DGKB: variants seen among roughly 807,000 people sequenced by gnomAD.
DGKB encodes the protein diacylglycerol kinase beta.
In DGKB, 67 loss-of-function variants were observed where a neutral mutation model predicts 114.3. That is an observed-to-expected ratio of 0.59 (90% CI 0.48 to 0.72). The LOEUF is 0.72. Ranked by LOEUF, DGKB falls within the 30% of genes least tolerant of loss-of-function variation. DGKB has a pLI of 0.00. For synonymous variants in DGKB, 398 were observed against 323.1 expected (o/e 1.23, Z -2.49); for missense variants, 907 against 975.2 (o/e 0.93, Z 0.93).
At position 14,146,167 on chromosome 7, in the gene DGKB, A is replaced by G. The variant is rs1781455176; in HGVS notation, c.*2964T>C. ...AAATTGATCAGCATTTTCACATGAA[A>G]TACATGGTGTACACAAGGAAGTGGA... On this transcript the variant is annotated 3_prime_UTR_variant, in exon 26 of 26. Transcript: ENST00000402815. The G allele has an allele frequency of 6.6e-6, 1 of 152,250 alleles. No individual in the cohort carries two copies. The highest frequency in any genetic ancestry group is 1.5e-5 in the Non-Finnish European group (1 of 68,048). 9.4% of individuals were successfully genotyped at this position (152,250 alleles called of 1,614,324 possible).
intron 23 of DGKB, among the ~76,000 whole-genome samples, chr7:14,193,715 A>G (rs2128278056): frequency 6.6e-6 from 1 of 152,298 alleles, no homozygotes; most frequent in East Asian, 1.9e-4. Flanking sequence ...TTGAACTAAA[A>G]AGCTTTTGAA....
At chr7:14,613,445 A>G in intron 15 of DGKB, 32 bp from the exon 16 acceptor site, 1 of 1,151,310 alleles carries the variant, frequency 8.7e-7, no homozygotes, top group Non-Finnish European at 1.3e-6. Context: ...TGGAAAAATT[A>G]TTAGGCCCAT....
intron 13 of DGKB, among the ~76,000 whole-genome samples, 165 bp from the exon 14 acceptor site, chr7:14,630,433 C>A (rs1326407670): frequency 6.6e-6 from 1 of 152,110 alleles, no homozygotes; most frequent in East Asian, 1.9e-4. Context: ...AATTAAATAT[C>A]TTTTCATTGA....
At chr7:14,519,850 C>A (rs1320844638) in intron 20 of DGKB, among the ~76,000 whole-genome samples, 10 of 151,814 alleles carry the variant, frequency 6.6e-5, no homozygotes, top group East Asian at 1.9e-4. Context: ...TATAAAAAAT[C>A]TTTTGTGAAA....
At chr7:14,288,861 A>G (rs1562848491) in intron 23 of DGKB, among the ~76,000 whole-genome samples, 3 of 152,186 alleles carry the variant, frequency 2.0e-5, no homozygotes, top group Non-Finnish European at 4.4e-5. Context: ...TGGTTCTGCT[A>G]TCAGAAAGAA....
chr7:14,751,707 TG>T (rs1466687368), intron 4 of DGKB, among the ~76,000 whole-genome samples: 3 of 152,186 alleles, frequency 2.0e-5, no homozygotes, highest in Non-Finnish European at 4.4e-5. Context: ...TTACACGTCA[TG>T]TTCCCCACTC....
chr7:14,286,948 T>A (rs1800964650), intron 23 of DGKB, among the ~76,000 whole-genome samples: 1 of 152,150 alleles, frequency 6.6e-6, no homozygotes. Context: ...TTCCTATTGG[T>A]CACATCTTCC....
intron 13 of DGKB, among the ~76,000 whole-genome samples, chr7:14,642,895 T>C (rs1252119641): frequency 6.6e-6 from 1 of 152,354 alleles, no homozygotes; most frequent in African/African-American, 2.4e-5. Flanking sequence ...TTGTTTTAAG[T>C]CTATTTTTAA....
chr7:14,246,110 G>A (rs1473360359), intron 23 of DGKB, among the ~76,000 whole-genome samples: 1 of 152,032 alleles, frequency 6.6e-6, no homozygotes, highest in Non-Finnish European at 1.5e-5. Flanking sequence ...TTTCTGTACT[G>A]GTTTGTCTGC....
At chr7:14,616,625 A>T (rs1056252805) in intron 15 of DGKB, among the ~76,000 whole-genome samples, 1 of 151,774 alleles carries the variant, frequency 6.6e-6, no homozygotes, top group Non-Finnish European at 1.5e-5. Flanking sequence ...ACATATATTT[A>T]TACAGCATTT....
At chr7:14,376,096 C>T (rs928545125) in intron 21 of DGKB, among the ~76,000 whole-genome samples, 3 of 152,186 alleles carry the variant, frequency 2.0e-5, no homozygotes, top group Non-Finnish European at 4.4e-5. Context: ...GTGACTCTCT[C>T]CTGCCTCCAT....
chr7:14,906,447 C>CTTTTTTTTTTTTTTTTTTT (rs34250901), upstream of DGKB, among the ~76,000 whole-genome samples: 2 of 103,880 alleles, frequency 1.9e-5, no homozygotes, highest in African/African-American at 3.3e-5. Flanking sequence ...TTTTTTCTGT[C>CTTTTTTTTTTTTTTTTTTT]TTTTTTTTTT....
chr7:14,894,302 CAT>C (rs1444348239), intron 1 of DGKB, among the ~76,000 whole-genome samples: 3 of 151,352 alleles, frequency 2.0e-5, no homozygotes, highest in Admixed American at 6.6e-5. Context: ...TATCTCTTAA[CAT>C]AGTTTGAATT....
At chr7:14,758,344 G>T (rs1351523151) in intron 2 of DGKB, among the ~76,000 whole-genome samples, 1 of 151,750 alleles carries the variant, frequency 6.6e-6, no homozygotes, top group Non-Finnish European at 1.5e-5. Context: ...TGTCATAAAA[G>T]AATTATCAGT....
intron 21 of DGKB, among the ~76,000 whole-genome samples, chr7:14,431,491 A>T (rs1288114184): frequency 6.6e-6 from 1 of 152,134 alleles, no homozygotes; most frequent in Admixed American, 6.6e-5. Flanking sequence ...AAACTCCTCT[A>T]CTTCAAAGCT....
At chr7:14,265,463 T>C (rs1468427095) in intron 23 of DGKB, among the ~76,000 whole-genome samples, 1 of 151,774 alleles carries the variant, frequency 6.6e-6, no homozygotes. Context: ...GACAGTTTCA[T>C]ATTATCTTCT....
chr7:14,967,901 G>C (rs1016625931), intron 1 of DGKB, among the ~76,000 whole-genome samples: 9 of 151,838 alleles, frequency 5.9e-5, no homozygotes, highest in Non-Finnish European at 1.2e-4. Context: ...GAGAGAGAGG[G>C]AAAGCAACCT....
chr7:14,704,832 C>G (rs1467731074), intron 6 of DGKB, among the ~76,000 whole-genome samples: 1 of 152,116 alleles, frequency 6.6e-6, no homozygotes, highest in African/African-American at 2.4e-5. Context: ...TCACCATCAT[C>G]AAACACCAAA....
chr7:14,447,222 G>A (rs982523251), intron 21 of DGKB, among the ~76,000 whole-genome samples: 1 of 146,750 alleles, frequency 6.8e-6, no homozygotes, highest in Non-Finnish European at 1.5e-5. Flanking sequence ...CCACATGAAA[G>A]AAATAGAACT....
Sources: gnomAD v4.1 joint callset for allele counts (sites outside exome capture counted in the v4.1 genomes callset) on GRCh38, gnomAD v4.1.1 for gene constraint, MANE v1.5 for transcripts, NCBI Gene and HGNC (gene_info 2026-07-23, HGNC 2026-07-21) for gene names.